The following PLCG1 variants were observed in gnomAD, a reference collection of about 807,000 sequenced individuals.
The protein encoded by PLCG1 is phospholipase C gamma 1.
A neutral mutation model predicts 177.8 loss-of-function variants in PLCG1; 71 were observed. The ratio of observed to expected loss-of-function variants is 0.40; its 90% CI spans 0.33 to 0.49. The LOEUF (loss-of-function observed/expected upper bound fraction) is 0.49. Among genes scored for constraint, PLCG1 ranks in the 20% least tolerant of loss-of-function variants. The probability of loss-of-function intolerance (pLI) is 0.72; values close to 1 mark genes in which losing one functional copy is unlikely to be tolerated. For missense variants in PLCG1, 1,281 were observed against 1,709.0 expected, an observed-to-expected ratio of 0.75 and a Z score of 4.42; for synonymous variants, 658 against 647.9, an observed-to-expected ratio of 1.02 and a Z score of -0.24.
rs771358144 is a variant in PLCG1 at position 41,146,838 on chromosome 20, T to A, written c.217+8980T>A. On this transcript the variant is annotated intron_variant, in intron 1 of 31. Transcript: ENST00000685551. The surrounding 1 kb of genome is among the most constrained non-coding windows in gnomAD (Gnocchi z 6.3). ...GTGGTGGGAGAATTCCAACCCCACCTTGACTTCAGCCTAAGGCCCAGAGAG... is the reference window on the plus strand; with the variant it reads ...GTGGTGGGAGAATTCCAACCCCACCATGACTTCAGCCTAAGGCCCAGAGAG... 3.1e-4 allele frequency among the ~76,000 whole-genome samples: 47 copies of A among 152,158 alleles called. No homozygotes were observed. The highest frequency in any genetic ancestry group is 2.0e-4 in the Admixed American group (3 of 15,270).
chr20:41,177,133 A>AGAT lies in PLCG1; in HGVS notation c.*2626_*2628dup, dbSNP rs1426881349. 2 of 152,274 alleles carry AGAT rather than the reference A, an allele frequency of 1.3e-5. No individual in the cohort carries two copies. Among genetic ancestry groups the AGAT allele is most frequent in the Non-Finnish European group, 2.9e-5 (2 of 68,050 alleles). The allele number at this position is 152,274 out of a possible 1,614,324, so 9.4% of individuals were successfully genotyped here. On this transcript the variant is annotated 3_prime_UTR_variant, in exon 32 of 32. Transcript: ENST00000685551. ...AGGGAAGTCAGTGGTACCAGAAGGT[A>AGAT]GATGGGCTCCCTTGCAGGCTCCTTG...
chr20:41,140,300 G>A (rs375485451), intron 1 of PLCG1, among the ~76,000 whole-genome samples: 24 of 152,312 alleles, frequency 1.6e-4, no homozygotes, highest in African/African-American at 5.3e-4. Flanking sequence ...GGCTTCCACT[G>A]AAGCCGTGCC....
Position 41,164,315 on chromosome 20 carries a change from C to G in PLCG1, c.1217+114C>G. On this transcript the variant is annotated intron_variant, in intron 12 of 31. Transcript: ENST00000685551. This position sits in a 1 kb window ranked among gnomAD's most constrained non-coding sequence, Gnocchi z 6.4. ...CCCTGTCCCCTCTCCCTCAGCCTTT[C>G]ATCTTTGTCCTTCCTCTTGGCCTCT... 9.3e-7 allele frequency: 1 copy of G among 1,070,156 alleles called. No individual in the cohort carries two copies. The allele number at this position is 1,070,156 out of a possible 1,614,324, so 66.3% of individuals were successfully genotyped here. A position where few individuals can be genotyped will look rare whatever the true frequency, so the allele number is the denominator to read the frequency against.
chr20:41,149,869 C>T lies in PLCG1; in HGVS notation c.218-9737C>T, dbSNP rs888487624. Among the ~76,000 whole-genome samples, 4 of 152,292 alleles carry T rather than the reference C, an allele frequency of 2.6e-5. No individual in the cohort carries two copies. In the East Asian group the frequency reaches 7.7e-4, roughly 29 times the overall value. ...AGGGCGTGATCAACCATGTTGATTG[C>T]TCTGAGGTGTCAGGAAGGAGGACCA... On this transcript the variant is annotated intron_variant, in intron 1 of 31. Transcript: ENST00000685551.
chr20:41,158,654 A>T (rs1011626525), intron 1 of PLCG1, among the ~76,000 whole-genome samples: 16 of 152,056 alleles, frequency 1.1e-4, no homozygotes, highest in African/African-American at 3.9e-4. Context: ...TGTTACTCTT[A>T]TGTTACTCTC....
chr20:41,168,321 C>T (rs926138887), intron 20 of PLCG1, among the ~76,000 whole-genome samples: 4 of 152,244 alleles, frequency 2.6e-5, no homozygotes, highest in Non-Finnish European at 5.9e-5. Flanking sequence ...TCACCCCCTC[C>T]CCTCCACAGC....
rs532227063 is a variant in PLCG1 at position 41,170,224 on chromosome 20, C to G, written c.2763C>G (p.Asp921Glu). 2 of 1,614,136 alleles carry G rather than the reference C, an allele frequency of 1.2e-6. No homozygotes were observed. The highest frequency in any genetic ancestry group is 2.2e-5 in the South Asian group (2 of 91,076). Residue 921 changes from aspartate (D) to glutamate (E), a missense_variant, in exon 24 of 32, where the codon GAC becomes GAG. Physicochemically the swap from Asp to Glu is conservative, Grantham distance 45. Coordinates refer to ENST00000685551, the MANE Select transcript of PLCG1 (RefSeq NM_002660.3). Reference sequence around the variant, plus strand: ...CCGACTCACAGGAGGAGCTGCAGGACTGGGTGAAAAAGATCCGTGAAGTGG... The same window carrying G: ...CCGACTCACAGGAGGAGCTGCAGGAGTGGGTGAAAAAGATCCGTGAAGTGG... ...VAADSQEELQ[D>E]WVKKIREVAQ...
rs771131816 is a variant in PLCG1 at position 41,162,700 on chromosome 20, G to A, written c.656G>A (p.Ser219Asn). 1 of 1,613,824 alleles carries A rather than the reference G, an allele frequency of 6.2e-7. No homozygotes were observed. Among genetic ancestry groups the A allele is most frequent in the Non-Finnish European group, 8.5e-7 (1 of 1,179,922 alleles). Residue 219 changes from serine (S) to asparagine (N), a missense_variant, in exon 6 of 32, where the codon AGC becomes AAC. Physicochemically the swap from Ser to Asn is conservative, Grantham distance 46. This residue lies in a region of PLCG1 where 374 missense variants were observed against 443.8 expected (regional missense o/e 0.84). Transcript: ENST00000685551. ...GGGCAGTTTGCTCAGCTGTACCGCA[G>A]CCTCATGTACAGCGCCCAGAAGACG... is the stretch of plus-strand genomic sequence containing the variant. ...TYGQFAQLYR[S>N]LMYSAQKTMD...
At position 41,159,629 on chromosome 20, in the gene PLCG1, A is replaced by C; in HGVS notation, c.241A>C (p.Ile81Leu). 6.2e-7 allele frequency: 1 copy of C among 1,614,112 alleles called. No individual in the cohort carries two copies. The highest frequency in any genetic ancestry group is 8.5e-7 in the Non-Finnish European group (1 of 1,180,000). Reference protein sequence around the residue: ...GAIDIREIKEIRPGKTSRDFD... With the variant: ...GAIDIREIKELRPGKTSRDFD... ...AGTTGACATTCGTGAAATTAAGGAG[A>C]TCCGCCCAGGGAAGACCTCACGGGA... is the stretch of plus-strand genomic sequence containing the variant. The change falls in exon 2 of 32, where the codon ATC (isoleucine) becomes CTC (leucine). Residue 81 changes from isoleucine (I) to leucine (L), a missense_variant. Ile to Leu is a conservative substitution (Grantham distance 5). Transcript: ENST00000685551. The surrounding 1 kb of genome is among the most constrained non-coding windows in gnomAD (Gnocchi z 6.0).
chr20:41,155,839 G>A (rs920338581), intron 1 of PLCG1, among the ~76,000 whole-genome samples: 2 of 152,174 alleles, frequency 1.3e-5, no homozygotes, highest in Admixed American at 6.5e-5. Flanking sequence ...ACCATGTGAG[G>A]TAAGAGGAAT....
In PLCG1 at chr20:41,170,128, C is replaced by G; in HGVS notation, c.2667C>G (p.Gly889=). The G allele has an allele frequency of 6.2e-7, 1 of 1,612,936 alleles. No individual in the cohort carries two copies. Residue 889 remains glycine (G), a synonymous_variant, in exon 24 of 32, where the codon GGC becomes GGG. Transcript: ENST00000685551. ...PACQIAIRPE[G]KNNRLFVFSI... is the part of the protein sequence containing the mutation. ...CCCTCCCAGCCATCCGTCCTGAGGG[C>G]AAGAACAACCGGCTCTTCGTCTTCT...
At chr20:41,143,438 A>C (rs1297195540) in intron 1 of PLCG1, among the ~76,000 whole-genome samples, 1 of 152,216 alleles carries the variant, frequency 6.6e-6, no homozygotes, top group Non-Finnish European at 1.5e-5. Flanking sequence ...AAGTCACTGC[A>C]GACTGTGAGG....
rs1478101584 is a variant in PLCG1, at chr20:41,163,304, T to G, written c.789+29T>G. 6.3e-7 allele frequency: 1 copy of G among 1,588,042 alleles called. No homozygotes were observed. The highest frequency in any genetic ancestry group is 1.1e-5 in the South Asian group (1 of 88,852). On this transcript the variant is annotated intron_variant, in intron 8 of 31. Coordinates refer to ENST00000685551, the MANE Select transcript of PLCG1 (RefSeq NM_002660.3). The surrounding 1 kb of genome is among the most constrained non-coding windows in gnomAD (Gnocchi z 5.2). ...TGGCTGGGCTGACATTGGCCCAGGCTGGTAGGTTGTGGGGGGCTGGGCTCA... is the reference window on the plus strand; with the variant it reads ...TGGCTGGGCTGACATTGGCCCAGGCGGGTAGGTTGTGGGGGGCTGGGCTCA...
intron 1 of PLCG1, among the ~76,000 whole-genome samples, chr20:41,143,829 T>A (rs1174357423): frequency 6.6e-6 from 1 of 152,210 alleles, no homozygotes; most frequent in Non-Finnish European, 1.5e-5. Context: ...AGGGAGATTA[T>A]ATATAAGAGT....
rs201677341 is a variant in PLCG1, at chr20:41,174,173, G to A, written c.3695G>A (p.Arg1232Gln). The stretch of plus-strand genomic sequence containing the variant: ...TTCAGTGGTACGTCCCTGCGGGAGC[G>A]GGGCTCAGATGCCTCAGGCCAGCTG... ...SPFSGTSLRE[R>Q]GSDASGQLFH... is the part of the protein sequence containing the mutation. Residue 1232 changes from arginine to glutamine, a missense_variant, in exon 31 of 32, where the codon CGG becomes CAG. Transcript: ENST00000685551. The surrounding 1 kb of genome is among the most constrained non-coding windows in gnomAD (Gnocchi z 5.8). 54 of 1,613,992 alleles carry A rather than the reference G, an allele frequency of 3.3e-5. No homozygotes were observed. Among genetic ancestry groups the A allele is most frequent in the Admixed American group, 6.7e-5 (4 of 60,006 alleles).
Position 41,174,085 on chromosome 20 carries a change from G to T in PLCG1, c.3646-39G>T. The T allele has an allele frequency of 6.2e-7, 1 of 1,610,540 alleles. No homozygotes were observed. Among genetic ancestry groups the T allele is most frequent in the Non-Finnish European group, 8.5e-7 (1 of 1,176,978 alleles). On this transcript the variant is annotated intron_variant, in intron 30 of 31. Transcript: ENST00000685551. The surrounding 1 kb of genome is among the most constrained non-coding windows in gnomAD (Gnocchi z 5.8). The stretch of plus-strand genomic sequence containing the variant: ...AGGCAGCAGCCTCTAGAAGTGCAGA[G>T]GAGTCATTGACCCTCTTGTGCACCT...
Position 41,163,941 on chromosome 20 carries a change from T to G in PLCG1, c.1031T>G (p.Phe344Cys). 1 of 1,614,086 alleles carries G rather than the reference T, an allele frequency of 6.2e-7. No individual in the cohort carries two copies. The highest frequency in any genetic ancestry group is 8.5e-7 in the Non-Finnish European group (1 of 1,180,006). ...TCCAGGTACCTGACCGGGGACCAGT[T>G]CTCCAGTGAGTCCTCCTTGGAAGCC... is the stretch of plus-strand genomic sequence containing the variant. ...SHNTYLTGDQFSSESSLEAYA... is the reference protein window; with the variant it reads ...SHNTYLTGDQCSSESSLEAYA... The change falls in exon 11 of 32, where the codon TTC becomes TGC. Residue 344 changes from phenylalanine (F) to cysteine (C), a missense_variant. Transcript: ENST00000685551. The surrounding 1 kb of genome is among the most constrained non-coding windows in gnomAD (Gnocchi z 5.2).
chr20:41,174,365 T>C lies in PLCG1; in HGVS notation c.3833+54T>C, dbSNP rs561155004. On this transcript the variant is annotated intron_variant, in intron 31 of 31. Coordinates refer to ENST00000685551, the MANE Select transcript of PLCG1 (RefSeq NM_002660.3). The surrounding 1 kb of genome is among the most constrained non-coding windows in gnomAD (Gnocchi z 5.8). ...AGGAAGGCAGTGGCTAGGTCCTCCTTCTTCAGTGTTTCTTTCTCCTGGGTA... is the reference window on the plus strand; with the variant it reads ...AGGAAGGCAGTGGCTAGGTCCTCCTCCTTCAGTGTTTCTTTCTCCTGGGTA... 96 of 1,602,370 alleles carry C rather than the reference T, an allele frequency of 6.0e-5. 1 individual carries two copies. In the African/African-American group the frequency reaches 9.8e-4, roughly 16 times the overall value.
intron 1 of PLCG1, among the ~76,000 whole-genome samples, chr20:41,149,100 T>C (rs2035085577): frequency 6.6e-6 from 1 of 152,224 alleles, no homozygotes. Context: ...AAGAAATTAG[T>C]GTTAGGATGC....
Sources: gnomAD v4.1 joint callset for allele counts (sites outside exome capture counted in the v4.1 genomes callset) on GRCh38, gnomAD v4.1.1 for gene constraint, gnomAD v4.1.1 regional missense constraint, Gnocchi (gnomAD v3.1) non-coding constraint, MANE v1.5 for transcripts, NCBI Gene and HGNC (gene_info 2026-07-23, HGNC 2026-07-21) for gene names.